C4orf51: variants seen among roughly 807,000 people sequenced by gnomAD.
The protein encoded by C4orf51 is uncharacterized protein C4orf51.
Under a neutral mutation model 25.2 loss-of-function variants are expected in C4orf51, and 25 were observed. The observed-to-expected ratio is 0.99, with a 90% CI of 0.72 to 1.39. The LOEUF (loss-of-function observed/expected upper bound fraction) is 1.39, where lower values mean the gene tolerates loss of function less well. Ranked by LOEUF, C4orf51 falls within the 40% of genes most tolerant of loss-of-function variation. The pLI is 0.00. For missense variants in C4orf51, 252 were observed against 239.6 expected (o/e 1.05, Z -0.34); for synonymous variants, 100 against 84.5 (o/e 1.18, Z -1.01).
At chr4:145,697,777 T>C (rs1044046640) in intron 2 of C4orf51, among the ~76,000 whole-genome samples, 4 of 152,236 alleles carry the variant, frequency 2.6e-5, no homozygotes, top group African/African-American at 9.6e-5. Flanking sequence ...ACGTAAGTTG[T>C]TTCTAGATCT....
chr4:145,716,366 C>CT (rs1324542572), intron 2 of C4orf51, among the ~76,000 whole-genome samples: 1 of 152,070 alleles, frequency 6.6e-6, no homozygotes, highest in East Asian at 1.9e-4. Context: ...CCACTTCAGC[C>CT]TGGAAGTGAC....
intron 1 of C4orf51, chr4:145,764,800 T>C: frequency 1.4e-6 from 1 of 714,628 alleles, no homozygotes; most frequent in Non-Finnish European, 2.3e-6. Context: ...CTGACATCTG[T>C]TGACACCCTA....
At chr4:145,682,335 A>G (rs916175698) in intron 1 of C4orf51, among the ~76,000 whole-genome samples, 9 of 152,224 alleles carry the variant, frequency 5.9e-5, no homozygotes, top group Admixed American at 1.3e-4. Context: ...TACTGATTAT[A>G]TTCTAAATTT....
chr4:145,787,540 T>C, the C4orf51 span, among the ~76,000 whole-genome samples: 2 of 152,082 alleles, frequency 1.3e-5, no homozygotes, highest in Middle Eastern at 3.2e-3. Flanking sequence ...AGATTCTTTT[T>C]AGATGTAAGA....
chr4:145,715,128 T>C (rs1016179283), intron 2 of C4orf51, among the ~76,000 whole-genome samples: 3 of 152,152 alleles, frequency 2.0e-5, no homozygotes, highest in African/African-American at 7.2e-5. Flanking sequence ...GAAGGGGTAG[T>C]GATGCATGTG....
At chr4:145,723,311 G>A (rs528293424) in intron 2 of C4orf51, among the ~76,000 whole-genome samples, 2 of 152,222 alleles carry the variant, frequency 1.3e-5, no homozygotes, top group East Asian at 3.9e-4. Flanking sequence ...TACTCAGAAA[G>A]GATGGAGAAT....
At chr4:145,689,610 C>T (rs985096970) in intron 1 of C4orf51, among the ~76,000 whole-genome samples, 1 of 152,064 alleles carries the variant, frequency 6.6e-6, no homozygotes. Flanking sequence ...CCACAAAGAG[C>T]TTATGCTAAA....
downstream of C4orf51, among the ~76,000 whole-genome samples, chr4:145,771,346 A>C (rs1253602358): frequency 1.3e-5 from 2 of 152,186 alleles, no homozygotes; most frequent in Non-Finnish European, 2.9e-5. Context: ...AGCTTGATAA[A>C]TATTCTATTT....
At position 145,765,566 on chromosome 4, in the gene C4orf51, A is replaced by G. The variant is rs1278044291; in HGVS notation, n.167-5422A>G. ...CCTTACCTTTCTCTGGCTTTTCCTC[A>G]CTGTTCAGTGAGGGCTGGCTCCCAG... On this transcript the variant is annotated intron_variant and non_coding_transcript_variant, in intron 1 of 1. Coordinates refer to the C4orf51 transcript ENST00000510096. The surrounding 1 kb of genome is among the most constrained non-coding windows in gnomAD (Gnocchi z 4.7). 6.2e-7 allele frequency: 1 copy of G among 1,612,926 alleles called. No individual in the cohort carries two copies. Among genetic ancestry groups the G allele is most frequent in the Admixed American group, 1.7e-5 (1 of 59,904 alleles).
At chr4:145,681,101 C>T (rs1275867673) in intron 1 of C4orf51, among the ~76,000 whole-genome samples, 2 of 152,118 alleles carry the variant, frequency 1.3e-5, no homozygotes, top group East Asian at 3.8e-4. Context: ...GGAGAAAGAA[C>T]CATTTAGCCC....
At chr4:145,766,154 T>C (rs931779850) in intron 1 of C4orf51, among the ~76,000 whole-genome samples, 5 of 152,146 alleles carry the variant, frequency 3.3e-5, no homozygotes, top group African/African-American at 2.4e-5. Flanking sequence ...TAATCTGGCC[T>C]AGATCATATG....
In C4orf51 at chr4:145,720,102, G is replaced by A. The variant is rs144874083; in HGVS notation, c.308-6809G>A. ...AGGTTGTGGCCCCAGAATGAAGGTG[G>A]CAACAGGTGGATTAGGGCATGCCTG... is the stretch of plus-strand genomic sequence containing the variant. On this transcript the variant is annotated intron_variant, in intron 2 of 5. Coordinates refer to ENST00000438731, the MANE Select transcript of C4orf51 (RefSeq NM_001080531.3). Among the ~76,000 whole-genome samples, 34 of 152,274 alleles carry A rather than the reference G, an allele frequency of 2.2e-4. No homozygotes were observed. In the East Asian group the frequency reaches 6.6e-3, roughly 29 times the overall value.
chr4:145,688,822 A>G (rs1729346680), intron 1 of C4orf51, among the ~76,000 whole-genome samples: 1 of 152,230 alleles, frequency 6.6e-6, no homozygotes, highest in Non-Finnish European at 1.5e-5. Context: ...ACTTGACACA[A>G]TGATTCTAAA....
At chr4:145,787,124 G>A in the C4orf51 span, among the ~76,000 whole-genome samples, 1 of 152,186 alleles carries the variant, frequency 6.6e-6, no homozygotes, top group Non-Finnish European at 1.5e-5. Context: ...GATTTCTGCT[G>A]GCCAAGGTGT....
At position 145,749,063 on chromosome 4, in the gene C4orf51, G is replaced by GTATATATATATATATATATATATATATA. The variant is rs142948635; in HGVS notation, n.168-5143_168-5142insATATATATATATATATATATATATATAT. The stretch of plus-strand genomic sequence containing the variant: ...CCTGGATGCTCCAATGTGTGTGTGT[G>GTATATATATATATATATATATATATATA]TGTATATATATATATATATATATGT... On this transcript the variant is annotated intron_variant and non_coding_transcript_variant, in intron 1 of 1. Transcript: ENST00000508981. Among the ~76,000 whole-genome samples the GTATATATATATATATATATATATATATA allele has an allele frequency of 4.1e-3, 580 of 139,788 alleles. 1 individual carries two copies. The highest frequency in any genetic ancestry group is 7.8e-3 in the Admixed American group (108 of 13,820). 91.7% of individuals were successfully genotyped at this position (139,788 alleles called of 152,430 possible). A position where few individuals can be genotyped will look rare whatever the true frequency, so the allele number is the denominator to read the frequency against.
chr4:145,733,029 G>C (rs956275326), downstream of C4orf51, among the ~76,000 whole-genome samples: 1 of 152,210 alleles, frequency 6.6e-6, no homozygotes, highest in African/African-American at 2.4e-5. Flanking sequence ...GGCTCCGACA[G>C]TCGCGGGGGC....
chr4:145,781,052 C>T, the C4orf51 span, among the ~76,000 whole-genome samples: 10 of 151,882 alleles, frequency 6.6e-5, no homozygotes, highest in South Asian at 4.2e-4. Context: ...AAAATTTAGC[C>T]GGGCGTGGTG....
intron 1 of C4orf51, among the ~76,000 whole-genome samples, chr4:145,747,414 G>A (rs1381088279): frequency 1.3e-5 from 2 of 151,348 alleles, no homozygotes; most frequent in East Asian, 3.9e-4. Flanking sequence ...TCATGAAGTG[G>A]TGTTGAATTT....
chr4:145,754,261 C>T (rs1253469587), exon 2 of C4orf51: 2 of 152,232 alleles, frequency 1.3e-5, no homozygotes, highest in African/African-American at 2.4e-5. Flanking sequence ...TTCACCAAGT[C>T]GCTCTTGCTG....
Sources: gnomAD v4.1 joint callset for allele counts (sites outside exome capture counted in the v4.1 genomes callset) on GRCh38, gnomAD v4.1.1 for gene constraint, Gnocchi (gnomAD v3.1) non-coding constraint, MANE v1.5 for transcripts, NCBI Gene and HGNC (gene_info 2026-07-23, HGNC 2026-07-21) for gene names.